UTRN: variants seen among roughly 807,000 people sequenced by gnomAD.
UTRN encodes utrophin.
UTRN carries 283 observed loss-of-function variants against 463.9 expected under a neutral mutation model. The ratio of observed to expected loss-of-function variants is 0.61; its 90% CI spans 0.55 to 0.67. The LOEUF is 0.67. Ranked by LOEUF, UTRN falls within the 30% of genes least tolerant of loss-of-function variation. The pLI is 0.00. For missense variants in UTRN, 3,922 were observed against 4,084.3 expected, an observed-to-expected ratio of 0.96 and a Z score of 1.08; for synonymous variants, 1,442 against 1,431.5, an observed-to-expected ratio of 1.01 and a Z score of -0.17.
At chr6:144,442,665 C>T (rs189282884) in intron 13 of UTRN, among the ~76,000 whole-genome samples, 105 of 152,224 alleles carry the variant, frequency 6.9e-4, no homozygotes, top group African/African-American at 2.3e-3. Flanking sequence ...CATCAGATCT[C>T]GTGAGACTTA....
At chr6:144,323,494 C>G (rs7758358) in intron 2 of UTRN, among the ~76,000 whole-genome samples, 1 of 152,164 alleles carries the variant, frequency 6.6e-6, no homozygotes, top group Non-Finnish European at 1.5e-5. Flanking sequence ...GGATTTTAAA[C>G]ATTCTTACAT....
intron 65 of UTRN, among the ~76,000 whole-genome samples, chr6:144,820,493 A>AT (rs370044396): frequency 0.51 from 77,738 of 151,924 alleles, 22,674 homozygotes; most frequent in East Asian, 0.9. Context: ...ATTGTGGTTA[A>AT]AACCACAATA....
chr6:144,678,314 T>A (rs540307743), intron 51 of UTRN, 92 bp from the exon 52 acceptor site: 2 of 1,213,426 alleles, frequency 1.6e-6, no homozygotes, highest in South Asian at 2.0e-5. Flanking sequence ...TAAGGTGAAA[T>A]GAACTATTTT....
intron 53 of UTRN, among the ~76,000 whole-genome samples, chr6:144,724,083 A>G (rs1444060814): frequency 6.6e-6 from 1 of 151,486 alleles, no homozygotes; most frequent in Non-Finnish European, 1.5e-5. Flanking sequence ...TAAAAAACAG[A>G]ATTATTGTTT....
chr6:144,785,698 C>T (rs1776238174), intron 61 of UTRN, among the ~76,000 whole-genome samples: 1 of 152,108 alleles, frequency 6.6e-6, no homozygotes, highest in South Asian at 2.1e-4. Context: ...ACATTGGCAT[C>T]TTAATTTTTC....
intron 2 of UTRN, among the ~76,000 whole-genome samples, chr6:144,332,368 GTGAATGAA>G (rs2094309255): frequency 6.6e-6 from 1 of 152,130 alleles, no homozygotes; most frequent in Non-Finnish European, 1.5e-5. Flanking sequence ...GAATGAATGA[GTGAATGAA>G]TGAATGAAAA....
chr6:144,367,250 G>T (rs1469254885), intron 2 of UTRN, among the ~76,000 whole-genome samples: 5 of 151,738 alleles, frequency 3.3e-5, no homozygotes, highest in Admixed American at 3.3e-4. Flanking sequence ...CTCCCAAAGT[G>T]CTGGGATTAC....
chr6:144,848,086 C>T lies in UTRN; in HGVS notation c.10293+1259C>T, dbSNP rs996199374. On this transcript the variant is annotated intron_variant, in intron 74 of 74. Transcript: ENST00000367545. ...GGGTGTGGTGAGCTGTGGGTGTTCT[C>T]TCCTGCTTGCTTCTGTTGTCTAAGT... 2.6e-5 allele frequency among the ~76,000 whole-genome samples: 4 copies of T among 152,230 alleles called. 1 individual carries two copies. In the South Asian group the frequency reaches 8.3e-4, roughly 32 times the overall value.
At chr6:144,764,257 A>G (rs528913512) in intron 58 of UTRN, among the ~76,000 whole-genome samples, 2 of 152,184 alleles carry the variant, frequency 1.3e-5, no homozygotes, top group Non-Finnish European at 1.5e-5. Context: ...AAATCTAAAC[A>G]GTAGAAAGCC....
intron 59 of UTRN, among the ~76,000 whole-genome samples, chr6:144,773,870 G>T (rs562859505): frequency 6.6e-6 from 1 of 152,280 alleles, no homozygotes; most frequent in East Asian, 1.9e-4. Flanking sequence ...TTGGGGAAGA[G>T]AAGTTCTAGT....
At chr6:144,719,663 C>T (rs923030887) in intron 53 of UTRN, among the ~76,000 whole-genome samples, 4 of 152,004 alleles carry the variant, frequency 2.6e-5, no homozygotes, top group Non-Finnish European at 4.4e-5. Context: ...GGCATGTTCT[C>T]GGAACAGAAA....
At chr6:144,787,579 A>G (rs1047332837) in intron 61 of UTRN, among the ~76,000 whole-genome samples, 1 of 152,186 alleles carries the variant, frequency 6.6e-6, no homozygotes, top group African/African-American at 2.4e-5. Context: ...TATTTATTGC[A>G]TACTTTATAT....
At chr6:144,413,594 T>C (rs1453549547) in intron 3 of UTRN, among the ~76,000 whole-genome samples, 2 of 152,106 alleles carry the variant, frequency 1.3e-5, no homozygotes, top group African/African-American at 4.8e-5. Flanking sequence ...CACGTGGGAA[T>C]TATAGGAGCT....
chr6:144,387,935 C>G (rs990860445), intron 2 of UTRN, among the ~76,000 whole-genome samples: 1 of 152,230 alleles, frequency 6.6e-6, no homozygotes, highest in Non-Finnish European at 1.5e-5. Context: ...ACAGACAGAC[C>G]TTGTGTCAGC....
chr6:144,461,889 A>ATGTTT (rs532252237), intron 22 of UTRN, among the ~76,000 whole-genome samples: 7 of 151,944 alleles, frequency 4.6e-5, no homozygotes, highest in African/African-American at 9.7e-5. Context: ...TGAGTTTTTC[A>ATGTTT]TGTTTTGTTT....
chr6:144,755,114 TAAAGA>T (rs1791847765), intron 57 of UTRN, among the ~76,000 whole-genome samples: 3 of 152,290 alleles, frequency 2.0e-5, no homozygotes, highest in African/African-American at 7.2e-5. Flanking sequence ...TTTTTCATAA[TAAAGA>T]AATCAGTTTT....
At chr6:144,664,221 G>C (rs915392295) in intron 51 of UTRN, among the ~76,000 whole-genome samples, 1 of 152,166 alleles carries the variant, frequency 6.6e-6, no homozygotes, top group African/African-American at 2.4e-5. Flanking sequence ...TGGCCCATGG[G>C]TGGACTTGTG....
intron 7 of UTRN, among the ~76,000 whole-genome samples, chr6:144,427,111 C>G (rs1424057002): frequency 6.6e-6 from 1 of 152,098 alleles, no homozygotes; most frequent in Non-Finnish European, 1.5e-5. Flanking sequence ...AAATTAAGAA[C>G]TCAGAAATTG....
At chr6:144,731,314 T>G (rs908461918) in intron 54 of UTRN, among the ~76,000 whole-genome samples, 1 of 152,168 alleles carries the variant, frequency 6.6e-6, no homozygotes, top group Non-Finnish European at 1.5e-5. Context: ...TGTAATGAAT[T>G]CTGGGTCCAA....
Sources: allele counts gnomAD v4.1 joint callset (sites outside exome capture counted in the v4.1 genomes callset), GRCh38; gene constraint gnomAD v4.1.1; transcripts MANE v1.5; gene names NCBI Gene and HGNC (gene_info 2026-07-23, HGNC 2026-07-21).